ANLN: variants seen among roughly 807,000 people sequenced by gnomAD.
ANLN encodes anillin, actin binding protein, also known as anillin.
A neutral mutation model predicts 135.1 loss-of-function variants in ANLN; 59 were observed. The observed-to-expected ratio is 0.44, with a 90% CI of 0.35 to 0.54. The LOEUF (loss-of-function observed/expected upper bound fraction) is 0.54, where lower values mean the gene tolerates loss of function less well. ANLN is among the 20% of genes least tolerant of loss of function. ANLN has a pLI of 0.00. For synonymous variants in ANLN, 406 were observed against 456.4 expected, an observed-to-expected ratio of 0.89 and a Z score of 1.41; for missense variants, 1,182 against 1,340.0, an observed-to-expected ratio of 0.88 and a Z score of 1.84.
intron 22 of ANLN, among the ~76,000 whole-genome samples, chr7:36,448,071 G>A (rs1789089238): frequency 6.6e-6 from 1 of 152,030 alleles, no homozygotes; most frequent in Admixed American, 6.6e-5. Context: ...CTGGAGTGCA[G>A]TGGCACGATC....
intron 23 of ANLN, among the ~76,000 whole-genome samples, chr7:36,450,924 C>T (rs1789217236): frequency 6.6e-6 from 1 of 152,164 alleles, no homozygotes; most frequent in Non-Finnish European, 1.5e-5. Context: ...TTAGACTTCT[C>T]CGTAGACCTT....
intron 17 of ANLN, among the ~76,000 whole-genome samples, chr7:36,425,059 C>T (rs1362528341): frequency 6.6e-6 from 1 of 152,126 alleles, no homozygotes; most frequent in African/African-American, 2.4e-5. Flanking sequence ...GTTCTCTATA[C>T]CAGTACTTAA....
At chr7:36,391,092 T>C (rs1226102565) in intron 1 of ANLN, among the ~76,000 whole-genome samples, 3 of 152,260 alleles carry the variant, frequency 2.0e-5, no homozygotes, top group Non-Finnish European at 2.9e-5. Flanking sequence ...AGTTTACTTA[T>C]ATTCAAGCAT....
chr7:36,433,592 A>T (rs1327836869), intron 20 of ANLN, among the ~76,000 whole-genome samples: 2 of 152,112 alleles, frequency 1.3e-5, no homozygotes, highest in African/African-American at 4.8e-5. Flanking sequence ...CTTAGCAAAT[A>T]CTCAGCCATT....
At chr7:36,447,591 A>AT (rs1361533126) in intron 22 of ANLN, among the ~76,000 whole-genome samples, 1 of 151,506 alleles carries the variant, frequency 6.6e-6, no homozygotes, top group Non-Finnish European at 1.5e-5. Context: ...TTCCCGGCTA[A>AT]TTTTTTGTAT....
At chr7:36,431,188 T>G (rs1788294952) in intron 20 of ANLN, among the ~76,000 whole-genome samples, 1 of 152,116 alleles carries the variant, frequency 6.6e-6, no homozygotes, top group Non-Finnish European at 1.5e-5. Context: ...AAAAAGGGAA[T>G]TTTTACAAAA....
intron 2 of ANLN, among the ~76,000 whole-genome samples, chr7:36,398,540 G>A (rs1786801602): frequency 6.6e-6 from 1 of 152,110 alleles, no homozygotes; most frequent in Admixed American, 6.5e-5. Context: ...CTGTGTGTAT[G>A]CACTTTTTAT....
At chr7:36,432,911 T>C (rs1309129541) in intron 20 of ANLN, among the ~76,000 whole-genome samples, 3 of 152,250 alleles carry the variant, frequency 2.0e-5, no homozygotes, top group African/African-American at 7.2e-5. Flanking sequence ...ATAGTTCATT[T>C]TCCCATCCCA....
At position 36,452,775 on chromosome 7, in the gene ANLN, C is replaced by T. The variant is rs566130635; in HGVS notation, c.*175C>T. The T allele has an allele frequency of 4.8e-6, 3 of 619,496 alleles. No individual in the cohort carries two copies. The highest frequency in any genetic ancestry group is 5.8e-5 in the East Asian group (2 of 34,444). 38.4% of individuals were successfully genotyped at this position (619,496 alleles called of 1,614,324 possible). On this transcript the variant is annotated 3_prime_UTR_variant, in exon 24 of 24. Coordinates refer to ENST00000265748, the MANE Select transcript of ANLN (RefSeq NM_018685.5). ...TTGTATGTAAAACTTTAACTGATTT[C>T]TGTCATTCATCAATGAGTAGAAGTA...
rs1407649442 is a variant in ANLN at position 36,407,755 on chromosome 7, TCTA to T, written c.900_902del (p.Thr301del). 1 of 1,612,902 alleles carries T rather than the reference TCTA, an allele frequency of 6.2e-7. No homozygotes were observed. Among genetic ancestry groups the T allele is most frequent in the African/African-American group, 1.3e-5 (1 of 74,874 alleles). On this transcript the variant is annotated inframe_deletion, in exon 5 of 24. Coordinates refer to ENST00000265748, the MANE Select transcript of ANLN (RefSeq NM_018685.5). ...TCAGAAAGCTACTTCTCCAGTGAAA[TCTA>T]CTACATCTATCACTGATGCTAAAAG...
intron 20 of ANLN, among the ~76,000 whole-genome samples, chr7:36,438,035 C>T (rs1032535474): frequency 6.6e-6 from 1 of 152,070 alleles, no homozygotes; most frequent in Non-Finnish European, 1.5e-5. Flanking sequence ...GTGATTCACC[C>T]GCCTCAGCCT....
chr7:36,424,481 A>G (rs2116684023), intron 15 of ANLN, 64 bp from the exon 16 acceptor site: 1 of 1,302,074 alleles, frequency 7.7e-7, no homozygotes, highest in East Asian at 2.3e-5. Flanking sequence ...TATTTGTAGC[A>G]TCATTTTTAA....
intron 13 of ANLN, 35 bp from the exon 14 acceptor site, chr7:36,422,598 T>A: frequency 6.5e-7 from 1 of 1,545,736 alleles, no homozygotes; most frequent in Non-Finnish European, 8.7e-7. Context: ...ACAGTTACGA[T>A]TTTAATATTT....
chr7:36,434,458 G>T (rs558311479), intron 20 of ANLN, among the ~76,000 whole-genome samples: 2 of 152,256 alleles, frequency 1.3e-5, no homozygotes. Context: ...ACCATTGAAG[G>T]CTCAACTGGT....
chr7:36,405,434 A>G (rs1054348169), intron 3 of ANLN, among the ~76,000 whole-genome samples: 7 of 152,222 alleles, frequency 4.6e-5, no homozygotes, highest in Admixed American at 6.5e-5. Flanking sequence ...TTGGAGGGGC[A>G]GAATTGAAAA....
At chr7:36,417,946 A>G (rs570892512) in intron 9 of ANLN, among the ~76,000 whole-genome samples, 1 of 152,190 alleles carries the variant, frequency 6.6e-6, no homozygotes, top group East Asian at 1.9e-4. Context: ...AAGTGCTGGG[A>G]TTACAGGCGT....
At chr7:36,442,994 T>C (rs999997319) in intron 21 of ANLN, among the ~76,000 whole-genome samples, 2 of 152,090 alleles carry the variant, frequency 1.3e-5, no homozygotes, top group African/African-American at 4.8e-5. Context: ...AGGGCTCTGT[T>C]ATGACTATAA....
At chr7:36,419,566 A>G in intron 10 of ANLN, 87 bp downstream of exon 10, 1 of 1,156,956 alleles carries the variant, frequency 8.6e-7, no homozygotes, top group South Asian at 1.5e-5. Context: ...ACAGATGGAC[A>G]TTTGGCTCAG....
chr7:36,422,968 C>G (rs1787940016), intron 14 of ANLN, among the ~76,000 whole-genome samples, 159 bp downstream of exon 14: 1 of 150,930 alleles, frequency 6.6e-6, no homozygotes, highest in Non-Finnish European at 1.5e-5. Flanking sequence ...AAGAAAACTT[C>G]AGATATATAT....
Sources: allele counts gnomAD v4.1 joint callset (sites outside exome capture counted in the v4.1 genomes callset), GRCh38; gene constraint gnomAD v4.1.1; transcripts MANE v1.5; gene names NCBI Gene and HGNC (gene_info 2026-07-23, HGNC 2026-07-21).